NEGR1: variants seen among roughly 807,000 people sequenced by gnomAD.
NEGR1 encodes the protein neuronal growth regulator 1.
A neutral mutation model predicts 40.9 loss-of-function variants in NEGR1; 10 were observed. The ratio of observed to expected loss-of-function variants is 0.24; its 90% confidence interval spans 0.15 to 0.42. The LOEUF (loss-of-function observed/expected upper bound fraction) is 0.42, where lower values mean the gene tolerates loss of function less well. NEGR1 is among the 10% of genes least tolerant of loss of function. The probability of loss-of-function intolerance (pLI) is 1.00; values close to 1 mark genes in which losing one functional copy is unlikely to be tolerated. For missense variants in NEGR1, 352 were observed against 438.9 expected (o/e 0.80, Z 1.77); for synonymous variants, 185 against 166.8 (o/e 1.11, Z -0.84).
chr1:71,645,746 G>T (rs190967229), intron 4 of NEGR1, among the ~76,000 whole-genome samples: 1 of 151,906 alleles, frequency 6.6e-6, no homozygotes, highest in East Asian at 1.9e-4. Flanking sequence ...TCTCCACATT[G>T]TCTGTAGTTC....
chr1:72,115,388 T>C (rs1462170990), intron 1 of NEGR1, among the ~76,000 whole-genome samples: 1 of 151,708 alleles, frequency 6.6e-6, no homozygotes, highest in Non-Finnish European at 1.5e-5. Flanking sequence ...AGTTTATTAG[T>C]GTTATATCTC....
At chr1:72,258,224 G>A (rs1198583818) in intron 1 of NEGR1, among the ~76,000 whole-genome samples, 3 of 152,140 alleles carry the variant, frequency 2.0e-5, no homozygotes, top group Admixed American at 6.5e-5. Flanking sequence ...GGAGGTGGTA[G>A]GTGCTACTGA....
At chr1:71,534,230 CAAT>C (rs1647443567) in intron 6 of NEGR1, among the ~76,000 whole-genome samples, 1 of 151,680 alleles carries the variant, frequency 6.6e-6, no homozygotes, top group African/African-American at 2.4e-5. Flanking sequence ...AAGGCAGTGG[CAAT>C]GACCAATTCC....
intron 1 of NEGR1, among the ~76,000 whole-genome samples, chr1:72,256,129 G>A (rs1042443724): frequency 6.6e-6 from 1 of 152,166 alleles, no homozygotes; most frequent in African/African-American, 2.4e-5. Flanking sequence ...ACACCTACAT[G>A]ATTGCCAAAA....
intron 2 of NEGR1, among the ~76,000 whole-genome samples, chr1:71,912,779 AATGGATAG>A (rs1661453522): frequency 6.6e-6 from 1 of 152,014 alleles, no homozygotes; most frequent in Admixed American, 6.6e-5. Context: ...AGAAAGGATG[AATGGATAG>A]ATGGATAGAT....
intron 1 of NEGR1, among the ~76,000 whole-genome samples, chr1:72,159,389 A>G (rs1247042464): frequency 6.6e-6 from 1 of 152,144 alleles, no homozygotes; most frequent in African/African-American, 2.4e-5. Flanking sequence ...AAACAGGCAC[A>G]GCAGAACATA....
chr1:71,436,459 G>T (rs1646510628), intron 6 of NEGR1, among the ~76,000 whole-genome samples: 1 of 152,078 alleles, frequency 6.6e-6, no homozygotes, highest in Non-Finnish European at 1.5e-5. Context: ...AGACTGTTTT[G>T]ATTTTTGCTT....
chr1:72,221,721 C>T (rs1240146022), intron 1 of NEGR1, among the ~76,000 whole-genome samples: 2 of 152,012 alleles, frequency 1.3e-5, no homozygotes, highest in Non-Finnish European at 2.9e-5. Flanking sequence ...TTTTTTTACA[C>T]CAAGTCTTCT....
intron 2 of NEGR1, chr1:71,794,308 G>A (rs1290046113): frequency 1.3e-5 from 2 of 152,066 alleles, no homozygotes; most frequent in Non-Finnish European, 2.9e-5. Context: ...AGGACCAAGA[G>A]TAGCCAAGAA....
intron 6 of NEGR1, among the ~76,000 whole-genome samples, chr1:71,510,446 C>G (rs761586821): frequency 1.2e-4 from 18 of 152,218 alleles, no homozygotes; most frequent in East Asian, 3.9e-4. Flanking sequence ...ATTTTCAAAG[C>G]ATGATAAATC....
intron 6 of NEGR1, among the ~76,000 whole-genome samples, chr1:71,524,526 G>C (rs1476999101): frequency 2.0e-5 from 3 of 151,538 alleles, no homozygotes; most frequent in Non-Finnish European, 2.9e-5. Flanking sequence ...TTCATTACCT[G>C]AATATTGGAA....
At chr1:72,197,164 C>T (rs1424040604) in intron 1 of NEGR1, among the ~76,000 whole-genome samples, 5 of 151,822 alleles carry the variant, frequency 3.3e-5, no homozygotes, top group African/African-American at 4.8e-5. Context: ...TGTTCCTACC[C>T]CCAAAGTGAT....
intron 4 of NEGR1, among the ~76,000 whole-genome samples, chr1:71,684,005 T>C (rs984919957): frequency 1.3e-5 from 2 of 152,178 alleles, no homozygotes; most frequent in African/African-American, 4.8e-5. Context: ...GTGCAGTGGC[T>C]CACGCCTGTA....
At chr1:71,408,712 C>T (rs1646296066) in intron 6 of NEGR1, 1 of 151,782 alleles carries the variant, frequency 6.6e-6, no homozygotes, top group Admixed American at 6.6e-5. Context: ...ATATTTTAAC[C>T]ACCTTTTCTT....
At chr1:72,280,974 G>A (rs1656221219) in intron 1 of NEGR1, among the ~76,000 whole-genome samples, 1 of 152,102 alleles carries the variant, frequency 6.6e-6, no homozygotes, top group South Asian at 2.1e-4. Flanking sequence ...AGAAATGAAG[G>A]AATAGGGCGT....
At chr1:71,861,017 A>T (rs910409525) in intron 2 of NEGR1, among the ~76,000 whole-genome samples, 2 of 152,034 alleles carry the variant, frequency 1.3e-5, no homozygotes, top group Admixed American at 1.3e-4. Context: ...CTAAGAAGTT[A>T]CTCTCTTTTA....
At chr1:72,150,858 A>C (rs1162757633) in intron 1 of NEGR1, among the ~76,000 whole-genome samples, 1 of 152,074 alleles carries the variant, frequency 6.6e-6, no homozygotes, top group Non-Finnish European at 1.5e-5. Context: ...GAAAAACAAA[A>C]ATATTATAAT....
intron 1 of NEGR1, among the ~76,000 whole-genome samples, chr1:72,246,043 A>C (rs1242580116): frequency 6.6e-6 from 1 of 152,100 alleles, no homozygotes; most frequent in Non-Finnish European, 1.5e-5. Flanking sequence ...GAATTTTTTG[A>C]GTTCCATTGT....
chr1:71,620,223 G>A (rs17571116), intron 4 of NEGR1, among the ~76,000 whole-genome samples: 6,299 of 151,994 alleles, frequency 0.041, 194 homozygotes, highest in Non-Finnish European at 0.065. Context: ...AACATTGCCC[G>A]TAGAGCATTA....
Sources: gnomAD v4.1 joint callset for allele counts (sites outside exome capture counted in the v4.1 genomes callset) on GRCh38, gnomAD v4.1.1 for gene constraint, MANE v1.5 for transcripts, NCBI Gene and HGNC (gene_info 2026-07-23, HGNC 2026-07-21) for gene names.